L3MBTL1: variants seen among roughly 807,000 people sequenced by gnomAD.
The protein encoded by L3MBTL1 is L3MBTL histone methyl-lysine binding protein 1.
A neutral mutation model predicts 105.3 loss-of-function variants in L3MBTL1; 75 were observed. That is an observed-to-expected ratio of 0.71 (90% CI 0.59 to 0.86). The LOEUF (loss-of-function observed/expected upper bound fraction) is 0.86. L3MBTL1 is among the 40% of genes least tolerant of loss of function. The probability of loss-of-function intolerance (pLI) is 0.00; values close to 1 mark genes in which losing one functional copy is unlikely to be tolerated. For missense variants in L3MBTL1, 1,069 were observed against 1,126.4 expected (o/e 0.95, Z 0.73); for synonymous variants, 452 against 436.2 (o/e 1.04, Z -0.45).
At position 43,539,842 on chromosome 20, in the gene L3MBTL1, A is replaced by G. The variant is rs530824908; in HGVS notation, c.2174-309A>G. The G allele has an allele frequency of 2.5e-4, 119 of 468,480 alleles. 2 individuals are homozygous for G. Among genetic ancestry groups the G allele is most frequent in the South Asian group, 2.2e-3 (98 of 45,438 alleles). 29.0% of individuals were successfully genotyped at this position (468,480 alleles called of 1,614,324 possible). A position where few individuals can be genotyped will look rare whatever the true frequency, so the allele number is the denominator to read the frequency against. ...CATCTAGAAAATTATGTCTTTAGAG[A>G]TGCTGCAGCAGCTCCAAGAGAGTAT... On this transcript the variant is annotated intron_variant, in intron 19 of 21. Transcript: ENST00000418998.
chr20:43,513,747 C>T (rs1269670848), intron 2 of L3MBTL1, 91 bp from the exon 3 acceptor site: 1 of 1,534,564 alleles, frequency 6.5e-7, no homozygotes, highest in African/African-American at 1.4e-5. Context: ...CCTCCACCTG[C>T]CTTCCTTCAC....
chr20:43,525,579 T>C (rs1227368188), intron 7 of L3MBTL1, among the ~76,000 whole-genome samples: 1 of 152,122 alleles, frequency 6.6e-6, no homozygotes, highest in Non-Finnish European at 1.5e-5. Flanking sequence ...CCTTGGGACT[T>C]ACTTGGGTTT....
At chr20:43,534,739 C>A in intron 15 of L3MBTL1, 89 bp from the exon 16 acceptor site, 1 of 883,690 alleles carries the variant, frequency 1.1e-6, no homozygotes, top group Non-Finnish European at 1.8e-6. Flanking sequence ...GATCTTGCTT[C>A]TGACAGGTCC....
Position 43,513,901 on chromosome 20 carries a change from C to T in L3MBTL1, c.200C>T (p.Pro67Leu). 6.4e-7 allele frequency: 1 copy of T among 1,550,616 alleles called. No homozygotes were observed. The highest frequency in any genetic ancestry group is 1.4e-5 in the African/African-American group (1 of 73,190). The change falls in exon 3 of 22, where the codon CCA becomes CTA. Residue 67 changes from proline to leucine, a missense_variant. Pro to Leu is a moderately conservative substitution (Grantham distance 98). Coordinates refer to ENST00000418998, the MANE Select transcript of L3MBTL1 (RefSeq NM_001377303.1). ...GATGTGTCTTGCTTTCCCCGGGAGCCAATCCATGTGGGTGCCCCGGAGCAA... is the reference window on the plus strand; with the variant it reads ...GATGTGTCTTGCTTTCCCCGGGAGCTAATCCATGTGGGTGCCCCGGAGCAA... ...ALDVSCFPREPIHVGAPEQVA... is the reference protein window; with the variant it reads ...ALDVSCFPRELIHVGAPEQVA...
chr20:43,534,164 G>T (rs2019483634), intron 14 of L3MBTL1, 71 bp downstream of exon 14: 1 of 1,547,642 alleles, frequency 6.5e-7, no homozygotes, highest in Non-Finnish European at 8.9e-7. Flanking sequence ...CCAGGCTGGG[G>T]CCCTAGCCTT....
Position 43,535,922 on chromosome 20 carries a change from C to T in L3MBTL1, c.1911C>T (p.Tyr637=), listed in dbSNP as rs1208949664. Residue 637 remains tyrosine, a synonymous_variant, in exon 17 of 22, where the codon TAC becomes TAT. Coordinates refer to ENST00000418998, the MANE Select transcript of L3MBTL1 (RefSeq NM_001377303.1). ...TGCCCCACACTAGGACCTCCAAATA[C>T]AGCTTTCACCACCGGTGAGTGAAGG... is the stretch of plus-strand genomic sequence containing the variant. The part of the protein sequence containing the change: ...RSLPHTRTSK[Y]SFHHRKCPTP... 3.7e-6 allele frequency: 6 copies of T among 1,613,162 alleles called. No individual in the cohort carries two copies. The highest frequency in any genetic ancestry group is 3.3e-4 in the Middle Eastern group (2 of 6,060).
intron 7 of L3MBTL1, among the ~76,000 whole-genome samples, chr20:43,525,340 G>T (rs570228008): frequency 6.6e-6 from 1 of 152,256 alleles, no homozygotes; most frequent in African/African-American, 2.4e-5. Context: ...AGCATTTCTG[G>T]AAGTGGAGAG....
intron 1 of L3MBTL1, among the ~76,000 whole-genome samples, chr20:43,508,801 T>C (rs2018054438): frequency 6.6e-6 from 1 of 152,232 alleles, no homozygotes; most frequent in African/African-American, 2.4e-5. Context: ...GAACTGCTGA[T>C]GTAGTCTCAA....
chr20:43,547,972 C>A, intron 18 of L3MBTL1: 1 of 373,296 alleles, frequency 2.7e-6, no homozygotes, highest in Non-Finnish European at 4.7e-6. Context: ...CCCTTCTCTC[C>A]TCCTTCCCTT....
intron 7 of L3MBTL1, chr20:43,523,568 G>A (rs773339213): frequency 4.8e-5 from 12 of 248,478 alleles, no homozygotes; most frequent in South Asian, 1.3e-4. Flanking sequence ...AGTATCCTGC[G>A]GCATTGTTCT....
At chr20:43,511,780 CAAAA>C (rs35702977) in intron 1 of L3MBTL1, among the ~76,000 whole-genome samples, 190 of 106,522 alleles carry the variant, frequency 1.8e-3, no homozygotes, top group African/African-American at 4.9e-3. Context: ...GACTCCATCT[CAAAA>C]AAAAAAAAAA....
Position 43,529,277 on chromosome 20 carries a change from C to T in L3MBTL1, c.965C>T (p.Thr322Ile), listed in dbSNP as rs2019199698. The T allele has an allele frequency of 6.2e-7, 1 of 1,611,418 alleles. No homozygotes were observed. Residue 322 changes from threonine to isoleucine, a missense_variant, in exon 9 of 22, where the codon ACT becomes ATT. Physicochemically the swap from Thr to Ile is moderately conservative, Grantham distance 89 (BLOSUM62 -1). Coordinates refer to ENST00000418998, the MANE Select transcript of L3MBTL1 (RefSeq NM_001377303.1). ...VSLFQDSQAV[T>I]HNKNGFKLGM... The stretch of plus-strand genomic sequence containing the variant: ...GTGCGTTGACAGTCCCAGGCAGTCA[C>T]TCACAACAAGAATGGCTTCAAACTG...
intron 6 of L3MBTL1, chr20:43,515,705 C>A (rs891120836): frequency 4.3e-6 from 2 of 468,232 alleles, no homozygotes; most frequent in African/African-American, 3.9e-5. Flanking sequence ...CTGGAAAACT[C>A]CATCACTGGA....
chr20:43,511,082 G>T (rs1345264374), intron 1 of L3MBTL1, among the ~76,000 whole-genome samples: 1 of 151,762 alleles, frequency 6.6e-6, no homozygotes. Flanking sequence ...GTCTTGCTCT[G>T]TCTCCCAGGC....
intron 1 of L3MBTL1, among the ~76,000 whole-genome samples, chr20:43,510,204 G>T (rs2018094826): frequency 1.3e-5 from 2 of 152,080 alleles, no homozygotes; most frequent in South Asian, 2.1e-4. Flanking sequence ...TCACCATGTT[G>T]CCCAGGCTGG....
At chr20:43,514,405 C>T (rs2018246336) in intron 3 of L3MBTL1, 14 of 1,438,338 alleles carry the variant, frequency 9.7e-6, no homozygotes, top group Non-Finnish European at 1.3e-5. Context: ...AGCCTGGGGG[C>T]GTGGCTTAGA....
At chr20:43,522,043 C>T (rs1335912163) in intron 7 of L3MBTL1, among the ~76,000 whole-genome samples, 1 of 152,192 alleles carries the variant, frequency 6.6e-6, no homozygotes, top group African/African-American at 2.4e-5. Context: ...ACATTTTATT[C>T]CTTGAGATTT....
chr20:43,533,828 T>C (rs1227190679), intron 13 of L3MBTL1, among the ~76,000 whole-genome samples, 180 bp from the exon 14 acceptor site: 2 of 152,096 alleles, frequency 1.3e-5, no homozygotes, highest in African/African-American at 4.8e-5. Context: ...GGTGCCTTGC[T>C]TGGTTCTACT....
intron 12 of L3MBTL1, 87 bp from the exon 13 acceptor site, chr20:43,533,255 G>C (rs112658824): frequency 1.7e-4 from 197 of 1,192,872 alleles, no homozygotes; most frequent in Non-Finnish European, 2.2e-4. Context: ...AAGTAGATGA[G>C]GGTGGGCCCT....
Sources: gnomAD v4.1 joint callset for allele counts (sites outside exome capture counted in the v4.1 genomes callset) on GRCh38, gnomAD v4.1.1 for gene constraint, MANE v1.5 for transcripts, NCBI Gene and HGNC (gene_info 2026-07-23, HGNC 2026-07-21) for gene names.